NEO1: variants seen among roughly 807,000 people sequenced by gnomAD.
NEO1 encodes the protein neogenin 1, also known as neogenin.
In NEO1, 63 loss-of-function variants were observed where a neutral mutation model predicts 159.7. The ratio of observed to expected loss-of-function variants is 0.39; its 90% CI spans 0.32 to 0.49. The LOEUF is 0.49. Among genes scored for constraint, NEO1 ranks in the 20% least tolerant of loss-of-function variants. The probability of loss-of-function intolerance (pLI) is 0.85; values close to 1 mark genes in which losing one functional copy is unlikely to be tolerated. For synonymous variants in NEO1, 633 were observed against 662.0 expected (o/e 0.96, Z 0.67); for missense variants, 1,615 against 1,831.0 (o/e 0.88, Z 2.15).
chr15:73,177,294 T>C (rs906026538), intron 6 of NEO1, among the ~76,000 whole-genome samples: 1 of 152,162 alleles, frequency 6.6e-6, no homozygotes, highest in Admixed American at 6.5e-5. Context: ...GATCTATACA[T>C]GACATTCATA....
At chr15:73,078,278 C>T (rs8038411) in intron 1 of NEO1, among the ~76,000 whole-genome samples, 19,932 of 151,854 alleles carry the variant, frequency 0.13, 2,022 homozygotes, top group African/African-American at 0.28. Flanking sequence ...CTAGAGAATC[C>T]CTGCAGGAGA....
At chr15:73,112,365 T>C (rs928935749) in intron 1 of NEO1, among the ~76,000 whole-genome samples, 1 of 152,186 alleles carries the variant, frequency 6.6e-6, no homozygotes, top group Non-Finnish European at 1.5e-5. Flanking sequence ...TTACCTGTTA[T>C]ATGTGACACA....
intron 7 of NEO1, among the ~76,000 whole-genome samples, chr15:73,210,223 C>T (rs2037480603): frequency 6.6e-6 from 1 of 152,074 alleles, no homozygotes; most frequent in African/African-American, 2.4e-5. Context: ...AATATGGTGC[C>T]CACTTACCAA....
chr15:73,126,649 T>G, intron 4 of NEO1, 79 bp downstream of exon 4: 1 of 1,334,866 alleles, frequency 7.5e-7, no homozygotes, highest in Non-Finnish European at 1.0e-6. Flanking sequence ...TATTGACTAA[T>G]TTAAAAAGAT....
At chr15:73,302,352 G>C (rs1375153533) in intron 28 of NEO1, among the ~76,000 whole-genome samples, 1 of 152,202 alleles carries the variant, frequency 6.6e-6, no homozygotes, top group Non-Finnish European at 1.5e-5. Context: ...GCAAGCAGTG[G>C]GCCTTCTGGC....
chr15:73,079,987 T>G (rs1206165544), intron 1 of NEO1, among the ~76,000 whole-genome samples: 1 of 152,202 alleles, frequency 6.6e-6, no homozygotes, highest in Non-Finnish European at 1.5e-5. Flanking sequence ...GTTTGAGAAT[T>G]GTTTTTTCTC....
At chr15:73,173,040 A>C (rs1489493327) in intron 5 of NEO1, among the ~76,000 whole-genome samples, 7 of 152,218 alleles carry the variant, frequency 4.6e-5, no homozygotes, top group Admixed American at 4.6e-4. Flanking sequence ...GTAGAAGCTC[A>C]ATCCATATTA....
At chr15:73,189,086 A>G (rs1403574736) in intron 7 of NEO1, among the ~76,000 whole-genome samples, 1 of 152,226 alleles carries the variant, frequency 6.6e-6, no homozygotes, top group Non-Finnish European at 1.5e-5. Flanking sequence ...GCAACAGAGC[A>G]AGACCACCAC....
At chr15:73,068,231 C>CCCCCCG (rs55919404) in intron 1 of NEO1, among the ~76,000 whole-genome samples, 1,600 of 120,320 alleles carry the variant, frequency 0.013, 70 homozygotes, top group East Asian at 0.1. Flanking sequence ...CTACCCCCCC[C>CCCCCCG]CCTTTTTTTT....
chr15:73,204,034 C>G (rs1474746291), intron 7 of NEO1, among the ~76,000 whole-genome samples: 1 of 151,598 alleles, frequency 6.6e-6, no homozygotes, highest in Non-Finnish European at 1.5e-5. Flanking sequence ...ATTGATTCTC[C>G]TTATTTTTGT....
chr15:73,190,544 T>C (rs143205861), intron 7 of NEO1, among the ~76,000 whole-genome samples: 6 of 152,284 alleles, frequency 3.9e-5, no homozygotes, highest in Non-Finnish European at 7.4e-5. Context: ...GAGGTTAGCA[T>C]TGAATAATAG....
chr15:73,210,546 T>G (rs1415203670), intron 7 of NEO1, among the ~76,000 whole-genome samples: 1 of 152,238 alleles, frequency 6.6e-6, no homozygotes, highest in Non-Finnish European at 1.5e-5. Flanking sequence ...AATGCATAAC[T>G]TTTATTTGAG....
At chr15:73,132,107 G>T (rs1438932165) in intron 4 of NEO1, among the ~76,000 whole-genome samples, 1 of 152,162 alleles carries the variant, frequency 6.6e-6, no homozygotes, top group Admixed American at 6.5e-5. Flanking sequence ...ATGCATGACA[G>T]CACTGATTGT....
At chr15:73,298,112 CA>C (rs2042450824) in intron 26 of NEO1, among the ~76,000 whole-genome samples, 1 of 152,174 alleles carries the variant, frequency 6.6e-6, no homozygotes, top group Admixed American at 6.5e-5. Context: ...TTTAAATCTA[CA>C]AAATTGTGAC....
intron 7 of NEO1, among the ~76,000 whole-genome samples, chr15:73,220,627 C>G (rs1368610864): frequency 6.6e-6 from 1 of 152,122 alleles, no homozygotes; most frequent in Admixed American, 6.5e-5. Flanking sequence ...TTGTTCGTTT[C>G]TTTTTATTCT....
intron 1 of NEO1, among the ~76,000 whole-genome samples, chr15:73,063,723 C>T (rs980302744): frequency 6.6e-6 from 1 of 151,910 alleles, no homozygotes. Context: ...CAGAAATGTT[C>T]CGTAAGCTGT....
At chr15:73,151,266 A>G (rs1209682279) in intron 5 of NEO1, among the ~76,000 whole-genome samples, 1 of 152,190 alleles carries the variant, frequency 6.6e-6, no homozygotes, top group African/African-American at 2.4e-5. Context: ...GGTATTTTCT[A>G]AACAGTGTTG....
intron 3 of NEO1, 120 bp downstream of exon 3, chr15:73,122,920 A>G: frequency 8.0e-6 from 10 of 1,257,000 alleles, no homozygotes; most frequent in Non-Finnish European, 8.8e-6. Flanking sequence ...CTGTAATCCC[A>G]GCACTTTGGG....
chr15:73,208,943 G>A (rs2037394105), intron 7 of NEO1, among the ~76,000 whole-genome samples: 1 of 152,206 alleles, frequency 6.6e-6, no homozygotes, highest in African/African-American at 2.4e-5. Flanking sequence ...CAGTTGTCAA[G>A]CATAATGGGA....
Sources: gnomAD v4.1 joint callset for allele counts (sites outside exome capture counted in the v4.1 genomes callset) on GRCh38, gnomAD v4.1.1 for gene constraint, MANE v1.5 for transcripts, NCBI Gene and HGNC (gene_info 2026-07-23, HGNC 2026-07-21) for gene names.